Variants in MED13L observed in about 807,000 individuals in gnomAD.
MED13L encodes mediator complex subunit 13L.
MED13L carries 7 observed loss-of-function variants against 220.9 expected under a neutral mutation model. That is an observed-to-expected ratio of 0.03 (90% CI 0.02 to 0.06). MED13L has a LOEUF of 0.06. Among genes scored for constraint, MED13L ranks in the 10% least tolerant of loss-of-function variants. The pLI is 1.00. For synonymous variants in MED13L, 1,011 were observed against 1,015.2 expected, an observed-to-expected ratio of 1.00 and a Z score of 0.08; for missense variants, 1,965 against 2,760.5, an observed-to-expected ratio of 0.71 and a Z score of 6.46.
intron 5 of MED13L, among the ~76,000 whole-genome samples, chr12:116,022,166 A>G (rs1158200826): frequency 6.6e-6 from 1 of 152,220 alleles, no homozygotes; most frequent in African/African-American, 2.4e-5. Flanking sequence ...CTATTTTTCA[A>G]GTATTTATTG....
At chr12:116,053,786 A>G (rs1460154801) in intron 4 of MED13L, among the ~76,000 whole-genome samples, 3 of 152,222 alleles carry the variant, frequency 2.0e-5, no homozygotes, top group Non-Finnish European at 4.4e-5. Context: ...AAAACTGGTT[A>G]TAGTTCAGTA....
chr12:116,051,026 G>A (rs1015769237), intron 4 of MED13L, among the ~76,000 whole-genome samples: 3 of 152,040 alleles, frequency 2.0e-5, no homozygotes, highest in African/African-American at 4.8e-5. Flanking sequence ...ATCTTTAAAT[G>A]TATATTGTAC....
intron 23 of MED13L, among the ~76,000 whole-genome samples, chr12:115,977,779 T>C (rs1183241664): frequency 6.6e-6 from 1 of 152,134 alleles, no homozygotes; most frequent in African/African-American, 2.4e-5. Flanking sequence ...GGCAGAATGC[T>C]TGAGCCAAGG....
At chr12:116,168,576 T>C (rs972140807) in intron 2 of MED13L, among the ~76,000 whole-genome samples, 1 of 152,176 alleles carries the variant, frequency 6.6e-6, no homozygotes, top group Admixed American at 6.5e-5. Context: ...AAAAGAGGTA[T>C]TAGAAAGTAA....
At chr12:116,096,850 A>C in intron 3 of MED13L, 98 bp from the exon 4 acceptor site, 1 of 835,392 alleles carries the variant, frequency 1.2e-6, no homozygotes, top group South Asian at 1.4e-5. Flanking sequence ...CCAAAAATAA[A>C]AACACCACCA....
intron 1 of MED13L, among the ~76,000 whole-genome samples, chr12:116,245,491 A>T (rs763407153): frequency 2.0e-5 from 3 of 152,234 alleles, no homozygotes; most frequent in Non-Finnish European, 4.4e-5. Context: ...CTGAGGAATT[A>T]CAGAAACAAA....
At chr12:116,069,146 A>G (rs1870182991) in intron 4 of MED13L, among the ~76,000 whole-genome samples, 1 of 152,222 alleles carries the variant, frequency 6.6e-6, no homozygotes, top group Non-Finnish European at 1.5e-5. Context: ...GAAATGGAAG[A>G]TAATGCCAAA....
At chr12:116,274,934 C>T (rs1873686592) in intron 1 of MED13L, among the ~76,000 whole-genome samples, 1 of 151,236 alleles carries the variant, frequency 6.6e-6, no homozygotes, top group South Asian at 2.1e-4. Flanking sequence ...AAAATTGCTT[C>T]TCCAAAAGAA....
At chr12:116,018,410 G>A (rs559034005) in intron 7 of MED13L, among the ~76,000 whole-genome samples, 1 of 152,100 alleles carries the variant, frequency 6.6e-6, no homozygotes, top group African/African-American at 2.4e-5. Context: ...TATGTATCAT[G>A]CTTGATAGTT....
rs1296560845 is a variant in MED13L, at chr12:116,186,378, C to A, written c.310+51090G>T. On this transcript the variant is annotated intron_variant, in intron 2 of 30. Transcript: ENST00000281928. Reference sequence around the variant, plus strand: ...TACAGAAAGAAGCAAAGTTTTCCTACACACACCACTGGGGGAGGGAGGGTG... The same window carrying A: ...TACAGAAAGAAGCAAAGTTTTCCTAAACACACCACTGGGGGAGGGAGGGTG... Among the ~76,000 whole-genome samples the A allele has an allele frequency of 2.6e-5, 4 of 152,310 alleles. No individual in the cohort carries two copies. In the East Asian group the frequency reaches 7.7e-4, roughly 29 times the overall value.
rs775371971 is a variant in MED13L at position 116,006,028 on chromosome 12, A to G, written c.2345-35T>C. 3.7e-6 allele frequency: 6 copies of G among 1,613,224 alleles called. No homozygotes were observed. The South Asian group carries it at 5.5e-5, about 15-fold the overall frequency. ...AGGAGGCAAAAGACACAGAATAAAC[A>G]ACTCCACCAAGCGCAAAGGAGTAGG... On this transcript the variant is annotated intron_variant, in intron 12 of 30. Coordinates refer to ENST00000281928, the MANE Select transcript of MED13L (RefSeq NM_015335.5).
rs1341524751 is a variant in MED13L at position 116,199,653 on chromosome 12, T to G, written c.310+37815A>C. 2.6e-5 allele frequency among the ~76,000 whole-genome samples: 4 copies of G among 152,058 alleles called. No homozygotes were observed. The South Asian group carries it at 8.3e-4, about 31-fold the overall frequency. ...CAGTTCCCATTTGGTTAAACAGTCATCAAATTTTAAGACCAGGAATCCATA... is the reference window on the plus strand; with the variant it reads ...CAGTTCCCATTTGGTTAAACAGTCAGCAAATTTTAAGACCAGGAATCCATA... On this transcript the variant is annotated intron_variant, in intron 2 of 30. Transcript: ENST00000281928.
At chr12:116,044,650 A>T (rs1324179410) in intron 4 of MED13L, among the ~76,000 whole-genome samples, 2 of 152,216 alleles carry the variant, frequency 1.3e-5, no homozygotes, top group Non-Finnish European at 2.9e-5. Context: ...CTGGTAGACA[A>T]CTATGACCCG....
chr12:116,234,942 C>T (rs990951028), intron 2 of MED13L, among the ~76,000 whole-genome samples: 1 of 152,060 alleles, frequency 6.6e-6, no homozygotes, highest in Non-Finnish European at 1.5e-5. Flanking sequence ...GGATAACCAG[C>T]GTGAGCCACC....
intron 2 of MED13L, among the ~76,000 whole-genome samples, chr12:116,192,652 C>T (rs1418614579): frequency 1.3e-5 from 2 of 152,140 alleles, no homozygotes; most frequent in Non-Finnish European, 2.9e-5. Flanking sequence ...CAAGACTCTT[C>T]CATTTCCAGG....
At chr12:115,979,502 A>G (rs998424184) in intron 23 of MED13L, among the ~76,000 whole-genome samples, 2 of 152,242 alleles carry the variant, frequency 1.3e-5, no homozygotes, top group African/African-American at 4.8e-5. Flanking sequence ...AATTTTATAT[A>G]ACACTGGAGT....
At position 115,961,143 on chromosome 12, in the gene MED13L, G is replaced by A. The variant is rs866692320; in HGVS notation, c.*123C>T. ...ATGTGCCTGCTGAGAAGGAATCACA[G>A]TGCAGGACTGTGGAGAGTGGTCTGA... On this transcript the variant is annotated 3_prime_UTR_variant, in exon 31 of 31. Transcript: ENST00000281928. 2.7e-5 allele frequency: 34 copies of A among 1,274,980 alleles called. 1 individual carries two copies. In the Middle Eastern group the frequency reaches 3.9e-3, roughly 145 times the overall value. 79.0% of individuals were successfully genotyped at this position (1,274,980 alleles called of 1,614,324 possible). A position where few individuals can be genotyped will look rare whatever the true frequency, so the allele number is the denominator to read the frequency against.
At chr12:116,168,026 C>T (rs1879406842) in intron 2 of MED13L, among the ~76,000 whole-genome samples, 1 of 151,944 alleles carries the variant, frequency 6.6e-6, no homozygotes, top group South Asian at 2.1e-4. Flanking sequence ...AGTGATTCGC[C>T]ACATGCAATT....
chr12:116,066,565 C>T (rs1419703403), intron 4 of MED13L, among the ~76,000 whole-genome samples: 1 of 152,016 alleles, frequency 6.6e-6, no homozygotes, highest in African/African-American at 2.4e-5. Flanking sequence ...TGTCAAAAAC[C>T]GCAATTACTT....
Sources: gnomAD v4.1 joint callset for allele counts (sites outside exome capture counted in the v4.1 genomes callset) on GRCh38, gnomAD v4.1.1 for gene constraint, MANE v1.5 for transcripts, NCBI Gene and HGNC (gene_info 2026-07-23, HGNC 2026-07-21) for gene names.